SMAD1: variants seen among roughly 807,000 people sequenced by gnomAD.
The protein encoded by SMAD1 is SMAD family member 1.
SMAD1 carries 6 observed loss-of-function variants against 41.6 expected under a neutral mutation model. The ratio of observed to expected loss-of-function variants is 0.14; its 90% CI spans 0.08 to 0.28. SMAD1 has a LOEUF of 0.28. Ranked by LOEUF, SMAD1 falls within the 10% of genes least tolerant of loss-of-function variation. SMAD1 has a pLI of 1.00. For missense variants in SMAD1, 379 were observed against 582.6 expected (o/e 0.65, Z 3.60); for synonymous variants, 206 against 203.2 (o/e 1.01, Z -0.12).
At chr4:145,553,735 A>C in intron 5 of SMAD1, 49 bp from the exon 6 acceptor site, 1 of 1,549,876 alleles carries the variant, frequency 6.5e-7, no homozygotes, top group Non-Finnish European at 8.9e-7. Context: ...GGTGCCTTTG[A>C]GCTGTAAAAA....
chr4:145,550,617 T>TC (rs1732502563), intron 5 of SMAD1, among the ~76,000 whole-genome samples: 1 of 152,194 alleles, frequency 6.6e-6, no homozygotes, highest in South Asian at 2.1e-4. Context: ...CTTTCTCCCT[T>TC]CATCCATGCC....
intron 2 of SMAD1, among the ~76,000 whole-genome samples, chr4:145,535,850 T>C (rs557339229): frequency 1.3e-5 from 2 of 152,158 alleles, no homozygotes; most frequent in South Asian, 2.1e-4. Flanking sequence ...GCAACAGATA[T>C]ATTCAAATAA....
rs1181378985 is a variant in SMAD1 at position 145,519,221 on chromosome 4, G to A, written c.400+4208G>A. Among the ~76,000 whole-genome samples, 3 of 71,230 alleles carry A rather than the reference G, an allele frequency of 4.2e-5. 1 individual carries two copies. Among genetic ancestry groups the A allele is most frequent in the Admixed American group, 3.6e-4 (3 of 8,234 alleles). The allele number at this position is 71,230 out of a possible 152,430, so 46.7% of individuals were successfully genotyped here. ...AGAGATTCTCCTGCCTCAGCCTCCCGAGTAGCTAGGATTACAGACGTGCAT... is the reference window on the plus strand; with the variant it reads ...AGAGATTCTCCTGCCTCAGCCTCCCAAGTAGCTAGGATTACAGACGTGCAT... On this transcript the variant is annotated intron_variant, in intron 2 of 6. Transcript: ENST00000302085.
At chr4:145,499,656 G>C (rs983943682) in intron 1 of SMAD1, among the ~76,000 whole-genome samples, 4 of 152,088 alleles carry the variant, frequency 2.6e-5, no homozygotes, top group Non-Finnish European at 4.4e-5. Flanking sequence ...ATAAGGTGTA[G>C]ATGAAACATA....
At chr4:145,540,383 G>A (rs1578812748) in intron 3 of SMAD1, among the ~76,000 whole-genome samples, 1 of 152,182 alleles carries the variant, frequency 6.6e-6, no homozygotes, top group Admixed American at 6.5e-5. Context: ...GAAAAATACC[G>A]TGTTACACAC....
intron 2 of SMAD1, among the ~76,000 whole-genome samples, chr4:145,520,453 A>G (rs998198180): frequency 6.6e-6 from 1 of 152,238 alleles, no homozygotes; most frequent in African/African-American, 2.4e-5. Flanking sequence ...TGATACTGCA[A>G]AAGTTTGAGA....
At chr4:145,492,924 C>T (rs953973907) in intron 1 of SMAD1, among the ~76,000 whole-genome samples, 1 of 152,186 alleles carries the variant, frequency 6.6e-6, no homozygotes, top group Non-Finnish European at 1.5e-5. Flanking sequence ...TTGGTAGGAT[C>T]CTTACCTAAC....
intron 1 of SMAD1, among the ~76,000 whole-genome samples, chr4:145,492,919 A>G (rs1180095203): frequency 6.6e-6 from 1 of 152,228 alleles, no homozygotes; most frequent in African/African-American, 2.4e-5. Context: ...GGTTATTGGT[A>G]GGATCCTTAC....
chr4:145,524,661 T>A (rs1388970358), intron 2 of SMAD1, among the ~76,000 whole-genome samples: 1 of 152,148 alleles, frequency 6.6e-6, no homozygotes, highest in Non-Finnish European at 1.5e-5. Flanking sequence ...TTCTGCAGTA[T>A]TAGGTGGGCA....
At chr4:145,535,652 G>C (rs1169381763) in intron 2 of SMAD1, among the ~76,000 whole-genome samples, 1 of 152,000 alleles carries the variant, frequency 6.6e-6, no homozygotes, top group Non-Finnish European at 1.5e-5. Flanking sequence ...AGAAACACAG[G>C]ATAAGCCAGA....
At chr4:145,481,762 T>TGAGC (rs1248966933), upstream of SMAD1, 9 of 185,376 alleles carry the variant, frequency 4.9e-5, no homozygotes, top group Non-Finnish European at 8.8e-5. Context: ...GGTGAGCGTG[T>TGAGC]GAGCGGGCGG....
chr4:145,519,024 TTTTC>T lies in SMAD1; in HGVS notation c.400+4015_400+4018del, dbSNP rs779756670. On this transcript the variant is annotated intron_variant, in intron 2 of 6. Coordinates refer to ENST00000302085, the MANE Select transcript of SMAD1 (RefSeq NM_005900.3). ...CATGTGTATTTGCTTATTTCTTTCTTTTTCTTTTTTTCTCTTTTTTTTACTGCCT... is the reference window on the plus strand; with the variant it reads ...CATGTGTATTTGCTTATTTCTTTCTTTTTTTTTCTCTTTTTTTTACTGCCT... Among the ~76,000 whole-genome samples the T allele has an allele frequency of 7.3e-4, 90 of 124,082 alleles. 26 individuals carry two copies. Among genetic ancestry groups the T allele is most frequent in the Non-Finnish European group, 1.7e-3 (88 of 50,522 alleles). 81.4% of individuals were successfully genotyped at this position (124,082 alleles called of 152,430 possible).
intron 1 of SMAD1, among the ~76,000 whole-genome samples, chr4:145,485,050 C>A (rs1456074629): frequency 6.6e-6 from 1 of 152,116 alleles, no homozygotes; most frequent in African/African-American, 2.4e-5. Context: ...CATAGTCACA[C>A]GTAGCTTTTT....
intron 2 of SMAD1, among the ~76,000 whole-genome samples, chr4:145,519,416 A>G (rs1730608542): frequency 1.3e-5 from 2 of 150,364 alleles, no homozygotes; most frequent in Non-Finnish European, 3.0e-5. Flanking sequence ...TTTTTTCACC[A>G]TACTAATTTC....
chr4:145,510,839 TTG>T (rs1730035614), intron 1 of SMAD1, among the ~76,000 whole-genome samples: 1 of 152,192 alleles, frequency 6.6e-6, no homozygotes, highest in African/African-American at 2.4e-5. Context: ...GTCATTGTAA[TTG>T]TTAGTCTTTT....
chr4:145,522,718 C>T (rs553453630), intron 2 of SMAD1, among the ~76,000 whole-genome samples: 6 of 152,034 alleles, frequency 3.9e-5, no homozygotes, highest in South Asian at 2.1e-4. Context: ...CTCGCCCTGT[C>T]GCCCAGGCTG....
At position 145,514,540 on chromosome 4, in the gene SMAD1, T is replaced by C; in HGVS notation, c.-74T>C. The C allele has an allele frequency of 2.2e-6, 3 of 1,352,904 alleles. No homozygotes were observed. Among genetic ancestry groups the C allele is most frequent in the Non-Finnish European group, 2.0e-6 (2 of 990,590 alleles). 83.8% of individuals were successfully genotyped at this position (1,352,904 alleles called of 1,614,324 possible). A position where few individuals can be genotyped will look rare whatever the true frequency, so the allele number is the denominator to read the frequency against. ...AGACTTCTCTGTAAATAAACAAATC[T>C]CTTCTGCTGTCCTTTTGCATTTGGA... On this transcript the variant is annotated 5_prime_UTR_variant, in exon 2 of 7. Coordinates refer to ENST00000302085, the MANE Select transcript of SMAD1 (RefSeq NM_005900.3). The surrounding 1 kb of genome is among the most constrained non-coding windows in gnomAD (Gnocchi z 4.7).
chr4:145,542,506 G>T (rs1731999189), intron 3 of SMAD1, 76 bp from the exon 4 acceptor site: 2 of 809,534 alleles, frequency 2.5e-6, no homozygotes, highest in Admixed American at 2.6e-5. Context: ...GAGAATTTCA[G>T]TACAGAAGAG....
intron 2 of SMAD1, among the ~76,000 whole-genome samples, chr4:145,537,198 T>C (rs1325274966): frequency 7.2e-5 from 11 of 152,194 alleles, no homozygotes. Context: ...AATATGATTT[T>C]ATATTAGATA....
Sources: allele counts gnomAD v4.1 joint callset (sites outside exome capture counted in the v4.1 genomes callset), GRCh38; gene constraint gnomAD v4.1.1; non-coding constraint Gnocchi (gnomAD v3.1); transcripts MANE v1.5; gene names NCBI Gene and HGNC (gene_info 2026-07-23, HGNC 2026-07-21).